Variants in GLI3 observed in about 807,000 individuals in gnomAD.
The protein encoded by GLI3 is GLI family zinc finger 3, also known as transcription activator GLI3.
GLI3 carries 20 observed loss-of-function variants against 100.8 expected under a neutral mutation model. That is an observed-to-expected ratio of 0.20 (90% CI 0.14 to 0.29). The LOEUF (loss-of-function observed/expected upper bound fraction) is 0.29. Ranked by LOEUF, GLI3 falls within the 10% of genes least tolerant of loss-of-function variation. The probability of loss-of-function intolerance (pLI) is 1.00; values close to 1 mark genes in which losing one functional copy is unlikely to be tolerated. For synonymous variants in GLI3, 938 were observed against 860.5 expected (o/e 1.09, Z -1.58); for missense variants, 2,040 against 2,128.5 (o/e 0.96, Z 0.82).
intron 2 of GLI3, among the ~76,000 whole-genome samples, chr7:42,222,203 A>T (rs1298762034): frequency 6.6e-6 from 1 of 152,236 alleles, no homozygotes; most frequent in Non-Finnish European, 1.5e-5. Context: ...TTGTAAATCA[A>T]TCAAGTAAAA....
chr7:42,109,997 A>AT (rs1175105554), intron 3 of GLI3, among the ~76,000 whole-genome samples: 1 of 152,204 alleles, frequency 6.6e-6, no homozygotes. Flanking sequence ...TGTGAATGGA[A>AT]TTAAGTGTCA....
intron 2 of GLI3, among the ~76,000 whole-genome samples, chr7:42,172,152 T>G (rs796758190): frequency 4.6e-5 from 7 of 152,292 alleles, no homozygotes; most frequent in African/African-American, 1.7e-4. Flanking sequence ...TTAATTTGCT[T>G]CTTCTGTACG....
intron 7 of GLI3, among the ~76,000 whole-genome samples, chr7:42,026,617 AC>A (rs1789122471): frequency 6.6e-6 from 1 of 152,280 alleles, no homozygotes; most frequent in Non-Finnish European, 1.5e-5. Context: ...GTGCACACAT[AC>A]ACGCAGACCT....
chr7:42,137,122 G>A (rs1052239955), intron 3 of GLI3, among the ~76,000 whole-genome samples: 2 of 152,166 alleles, frequency 1.3e-5, no homozygotes, highest in African/African-American at 4.8e-5. Context: ...AGGTTGTTTT[G>A]TGGGGATTTA....
chr7:42,021,644 G>C lies in GLI3; in HGVS notation c.1497+1824C>G, dbSNP rs565962955. On this transcript the variant is annotated intron_variant, in intron 10 of 14. Coordinates refer to ENST00000395925, the MANE Select transcript of GLI3 (RefSeq NM_000168.6). ...ACAATTCATTTTAAATGTAGACTTA[G>C]AATAAGCTCTTATTTCATTCCTGAT... 1.9e-3 allele frequency among the ~76,000 whole-genome samples: 283 copies of C among 152,298 alleles called. 2 individuals are homozygous for C. The highest frequency in any genetic ancestry group is 3.0e-3 in the Non-Finnish European group (203 of 68,030).
intron 6 of GLI3, among the ~76,000 whole-genome samples, chr7:42,044,975 C>A (rs1784215251): frequency 6.6e-6 from 1 of 152,146 alleles, no homozygotes; most frequent in Non-Finnish European, 1.5e-5. Context: ...GCAACACCGA[C>A]CTCCTGGGCT....
intron 7 of GLI3, 65 bp from the exon 8 acceptor site, chr7:42,026,477 A>T: frequency 2.6e-6 from 3 of 1,171,084 alleles, no homozygotes; most frequent in Non-Finnish European, 3.8e-6. Flanking sequence ...AGTACACAAG[A>T]TCTGCAGCTT....
At chr7:42,118,661 T>C (rs1266694228) in intron 3 of GLI3, among the ~76,000 whole-genome samples, 3 of 152,146 alleles carry the variant, frequency 2.0e-5, no homozygotes, top group Non-Finnish European at 4.4e-5. Flanking sequence ...CAGGCCAGAA[T>C]GACGTGATCA....
chr7:42,173,228 G>C (rs1309244254), intron 2 of GLI3, among the ~76,000 whole-genome samples: 1 of 152,062 alleles, frequency 6.6e-6, no homozygotes, highest in Non-Finnish European at 1.5e-5. Flanking sequence ...CAGACACGGC[G>C]GGCAAAAAAT....
At chr7:42,213,964 G>C (rs535453539) in intron 2 of GLI3, among the ~76,000 whole-genome samples, 2 of 152,194 alleles carry the variant, frequency 1.3e-5, no homozygotes, top group Non-Finnish European at 2.9e-5. Flanking sequence ...AAACACACTC[G>C]GGCCTGCAGG....
intron 4 of GLI3, among the ~76,000 whole-genome samples, chr7:42,061,798 A>AT (rs1562709694): frequency 6.6e-6 from 1 of 152,192 alleles, no homozygotes; most frequent in East Asian, 1.9e-4. Flanking sequence ...CAATTTGTCT[A>AT]TATTATTCAA....
intron 3 of GLI3, among the ~76,000 whole-genome samples, chr7:42,098,753 T>C (rs1402966361): frequency 6.6e-6 from 1 of 152,144 alleles, no homozygotes; most frequent in Non-Finnish European, 1.5e-5. Context: ...TTATTCCCCA[T>C]TGGGTCAGAT....
chr7:42,133,364 G>A (rs930862734), intron 3 of GLI3, among the ~76,000 whole-genome samples: 2 of 152,158 alleles, frequency 1.3e-5, no homozygotes, highest in African/African-American at 4.8e-5. Context: ...TCAAGCATTA[G>A]TGTTGCCGAT....
intron 3 of GLI3, among the ~76,000 whole-genome samples, chr7:42,126,856 G>A (rs1420832628): frequency 1.3e-5 from 2 of 152,260 alleles, no homozygotes; most frequent in East Asian, 3.9e-4. Flanking sequence ...TTAGAAGAGG[G>A]TCAGCCTAAA....
At chr7:42,178,676 TCAA>T (rs1328956461) in intron 2 of GLI3, among the ~76,000 whole-genome samples, 2 of 152,144 alleles carry the variant, frequency 1.3e-5, no homozygotes, top group Non-Finnish European at 2.9e-5. Context: ...ACTCTAGCAA[TCAA>T]CAAAATAGAC....
intron 2 of GLI3, among the ~76,000 whole-genome samples, chr7:42,154,986 A>C (rs1474256266): frequency 6.6e-6 from 1 of 152,196 alleles, no homozygotes; most frequent in Non-Finnish European, 1.5e-5. Context: ...TGCAACCTTT[A>C]AACTGCACTG....
intron 1 of GLI3, among the ~76,000 whole-genome samples, chr7:42,249,867 G>A (rs1789013863): frequency 1.3e-5 from 2 of 152,196 alleles, no homozygotes; most frequent in Non-Finnish European, 2.9e-5. Flanking sequence ...GGCTGAGTTG[G>A]GCGAATCACT....
At chr7:42,069,854 T>C (rs960177979) in intron 4 of GLI3, among the ~76,000 whole-genome samples, 2 of 152,242 alleles carry the variant, frequency 1.3e-5, no homozygotes, top group African/African-American at 2.4e-5. Context: ...AAACAGGCCA[T>C]GAACCGTATT....
intron 2 of GLI3, among the ~76,000 whole-genome samples, chr7:42,201,332 T>A (rs149944851): frequency 6.6e-6 from 1 of 152,218 alleles, no homozygotes; most frequent in Non-Finnish European, 1.5e-5. Flanking sequence ...GAGGGACTCC[T>A]GTAATAAATG....
Sources: gnomAD v4.1 joint callset for allele counts (sites outside exome capture counted in the v4.1 genomes callset) on GRCh38, gnomAD v4.1.1 for gene constraint, MANE v1.5 for transcripts, NCBI Gene and HGNC (gene_info 2026-07-23, HGNC 2026-07-21) for gene names.